The following ADGRL3 variants were observed in gnomAD, a reference collection of about 807,000 sequenced individuals.
ADGRL3 encodes the protein calcium-independent alpha-latrotoxin receptor 3.
Under a neutral mutation model 153.5 loss-of-function variants are expected in ADGRL3, and 62 were observed. The ratio of observed to expected loss-of-function variants is 0.40; its 90% CI spans 0.33 to 0.50. ADGRL3 has a LOEUF of 0.50. Ranked by LOEUF, ADGRL3 falls within the 20% of genes least tolerant of loss-of-function variation. The pLI, the probability that ADGRL3 is intolerant of heterozygous loss-of-function variation, is 0.47. For missense variants in ADGRL3, 1,641 were observed against 1,859.4 expected, an observed-to-expected ratio of 0.88 and a Z score of 2.16; for synonymous variants, 710 against 672.5, an observed-to-expected ratio of 1.06 and a Z score of -0.86.
chr4:61,695,455 T>C (rs2095624272), intron 6 of ADGRL3, among the ~76,000 whole-genome samples: 1 of 152,150 alleles, frequency 6.6e-6, no homozygotes, highest in African/African-American at 2.4e-5. Context: ...GTCTCCACAG[T>C]GGGATTAACA....
At chr4:61,207,424 A>G (rs1481858843) in intron 1 of ADGRL3, among the ~76,000 whole-genome samples, 1 of 152,154 alleles carries the variant, frequency 6.6e-6, no homozygotes, top group Non-Finnish European at 1.5e-5. Context: ...TATATGTGCC[A>G]CATTTTCTTT....
At chr4:61,834,114 C>G (rs1357576984) in intron 9 of ADGRL3, among the ~76,000 whole-genome samples, 2 of 121,680 alleles carry the variant, frequency 1.6e-5, no homozygotes, top group Non-Finnish European at 3.4e-5. Context: ...CTCCCCCCTT[C>G]CCCCACCCCA....
rs1403025052 is a variant in ADGRL3 at position 62,028,844 on chromosome 4, G to A, written c.3396-11G>A. On this transcript the variant is annotated splice_polypyrimidine_tract_variant and intron_variant, in intron 21 of 26. Coordinates refer to ENST00000683033, the MANE Select transcript of ADGRL3 (RefSeq NM_001387552.1). ...TTGGTGTTCTTGTCTTTATGTCTAT[G>A]CATTCTTTAGCTATGAGGATAACAG... 1 of 1,600,706 alleles carries A rather than the reference G, an allele frequency of 6.2e-7. No homozygotes were observed. Among genetic ancestry groups the A allele is most frequent in the Non-Finnish European group, 8.5e-7 (1 of 1,172,168 alleles).
In ADGRL3 at chr4:61,811,734, A is replaced by G. The variant is rs143488257; in HGVS notation, c.1400-2075A>G. ...CCTAGAGTAAATGTAATCGAAACTA[A>G]TTCGCAATCTACCCTGCCATTTCTC... On this transcript the variant is annotated intron_variant, in intron 8 of 26. Transcript: ENST00000683033. Among the ~76,000 whole-genome samples the G allele has an allele frequency of 7.9e-3, 1,195 of 152,192 alleles. 13 individuals are homozygous for G. Among genetic ancestry groups the G allele is most frequent in the African/African-American group, 0.024 (1,017 of 41,548 alleles).
At chr4:61,900,271 CA>C (rs2149700364) in intron 11 of ADGRL3, among the ~76,000 whole-genome samples, 1 of 152,216 alleles carries the variant, frequency 6.6e-6, no homozygotes, top group African/African-American at 2.4e-5. Flanking sequence ...AGAAATTTTA[CA>C]TTTACATTTT....
chr4:61,710,779 T>C (rs2095961051), intron 6 of ADGRL3, among the ~76,000 whole-genome samples: 1 of 152,342 alleles, frequency 6.6e-6, no homozygotes, highest in African/African-American at 2.4e-5. Flanking sequence ...TATGTAACTA[T>C]TTGCTAATCC....
At chr4:61,755,328 G>A (rs1422653718) in intron 8 of ADGRL3, among the ~76,000 whole-genome samples, 1 of 152,040 alleles carries the variant, frequency 6.6e-6, no homozygotes, top group Non-Finnish European at 1.5e-5. Context: ...GTGTGAGATG[G>A]TATCTCACTG....
chr4:62,035,629 A>G (rs1338891621), intron 23 of ADGRL3, among the ~76,000 whole-genome samples: 2 of 152,126 alleles, frequency 1.3e-5, no homozygotes, highest in Non-Finnish European at 2.9e-5. Context: ...AGTTCTAATT[A>G]AAGCATTTGT....
intron 1 of ADGRL3, among the ~76,000 whole-genome samples, chr4:61,309,287 G>T (rs1430898972): frequency 1.3e-5 from 2 of 151,958 alleles, no homozygotes; most frequent in African/African-American, 4.8e-5. Flanking sequence ...ACCCTAATTT[G>T]GTTCTCCCCC....
At chr4:61,857,703 C>T (rs1275571312) in intron 9 of ADGRL3, among the ~76,000 whole-genome samples, 1 of 145,504 alleles carries the variant, frequency 6.9e-6, no homozygotes, top group African/African-American at 2.7e-5. Context: ...TCCTTCCTTT[C>T]TTCCTTTCCT....
At chr4:61,654,146 A>T (rs1177767922) in intron 5 of ADGRL3, among the ~76,000 whole-genome samples, 1 of 152,146 alleles carries the variant, frequency 6.6e-6, no homozygotes, top group Non-Finnish European at 1.5e-5. Flanking sequence ...CTAAATTTTT[A>T]ATTTCTCATA....
intron 1 of ADGRL3, among the ~76,000 whole-genome samples, chr4:61,321,590 C>A (rs2095357065): frequency 6.7e-6 from 1 of 150,264 alleles, no homozygotes; most frequent in African/African-American, 2.5e-5. Context: ...GATGGTGTAG[C>A]CTACTAGATA....
chr4:62,003,704 T>C (rs1300033331), intron 21 of ADGRL3, among the ~76,000 whole-genome samples: 1 of 152,160 alleles, frequency 6.6e-6, no homozygotes, highest in East Asian at 1.9e-4. Context: ...GCTCAGCCTC[T>C]ATCAAAATCC....
At chr4:61,609,237 T>G (rs2099044041) in intron 5 of ADGRL3, among the ~76,000 whole-genome samples, 2 of 152,104 alleles carry the variant, frequency 1.3e-5, no homozygotes, top group African/African-American at 4.8e-5. Flanking sequence ...TTAATTAAAA[T>G]TTGCTCATCA....
At chr4:61,925,979 C>T (rs1264451231) in intron 13 of ADGRL3, among the ~76,000 whole-genome samples, 5 of 152,184 alleles carry the variant, frequency 3.3e-5, no homozygotes, top group South Asian at 4.1e-4. Flanking sequence ...GGTATACTTA[C>T]GAAAACCTAA....
At chr4:61,350,783 A>G (rs1000574190) in intron 1 of ADGRL3, among the ~76,000 whole-genome samples, 3 of 152,134 alleles carry the variant, frequency 2.0e-5, no homozygotes, top group Non-Finnish European at 2.9e-5. Context: ...CGATAAATGT[A>G]TGCATGTCCT....
At chr4:61,731,418 C>T (rs962621557) in intron 7 of ADGRL3, among the ~76,000 whole-genome samples, 5 of 152,042 alleles carry the variant, frequency 3.3e-5, no homozygotes, top group African/African-American at 1.2e-4. Context: ...GGGTCAATAT[C>T]CAAATTACTG....
intron 17 of ADGRL3, among the ~76,000 whole-genome samples, chr4:61,971,818 G>A (rs1048983710): frequency 6.6e-6 from 1 of 152,102 alleles, no homozygotes; most frequent in African/African-American, 2.4e-5. Context: ...TCCAGCACCT[G>A]TTGTTTCCTG....
intron 6 of ADGRL3, among the ~76,000 whole-genome samples, chr4:61,688,322 C>T (rs2095482024): frequency 6.6e-6 from 1 of 151,982 alleles, no homozygotes; most frequent in Non-Finnish European, 1.5e-5. Context: ...TTACTGATTT[C>T]CCTCAAGCAC....
Sources: gnomAD v4.1 joint callset for allele counts (sites outside exome capture counted in the v4.1 genomes callset) on GRCh38, gnomAD v4.1.1 for gene constraint, MANE v1.5 for transcripts, NCBI Gene and HGNC (gene_info 2026-07-23, HGNC 2026-07-21) for gene names.